PALM2AKAP2: variants seen among roughly 807,000 people sequenced by gnomAD.
PALM2AKAP2 encodes PALM2-AKAP2 fusion protein.
A neutral mutation model predicts 71.5 loss-of-function variants in PALM2AKAP2; 37 were observed. The ratio of observed to expected loss-of-function variants is 0.52; its 90% CI spans 0.40 to 0.68. The LOEUF is 0.68. Among genes scored for constraint, PALM2AKAP2 ranks in the 30% least tolerant of loss-of-function variants. PALM2AKAP2 has a pLI of 0.00. For missense variants in PALM2AKAP2, 1,224 were observed against 1,191.8 expected (o/e 1.03, Z -0.40); for synonymous variants, 468 against 478.8 (o/e 0.98, Z 0.29).
chr9:109,685,673 T>TA lies in PALM2AKAP2; in HGVS notation c.5+44808dup, dbSNP rs567578013. Among the ~76,000 whole-genome samples the TA allele has an allele frequency of 1.2e-3, 179 of 152,256 alleles. 1 individual carries two copies. The highest frequency in any genetic ancestry group is 4.0e-3 in the African/African-American group (168 of 41,556). On this transcript the variant is annotated intron_variant, in intron 1 of 6. Transcript: ENST00000374531. The stretch of plus-strand genomic sequence containing the variant: ...AATTACTTGAACCCTCAGTGAATTA[T>TA]ATTTTTTTTTTGGTGGTAGGGTCTT...
chr9:109,930,473 G>A (rs554442114), intron 5 of PALM2AKAP2, among the ~76,000 whole-genome samples: 138 of 152,168 alleles, frequency 9.1e-4, no homozygotes, highest in African/African-American at 3.1e-3. Flanking sequence ...TGATCCACCC[G>A]CCTTGGTCTC....
intron 1 of PALM2AKAP2, among the ~76,000 whole-genome samples, chr9:110,060,240 G>A (rs1564284378): frequency 2.0e-5 from 3 of 152,010 alleles, no homozygotes; most frequent in South Asian, 2.1e-4. Context: ...GGCCTCCCAA[G>A]TAGCTGAGAC....
At chr9:109,829,652 C>T (rs2131530925) in intron 1 of PALM2AKAP2, among the ~76,000 whole-genome samples, 1 of 151,580 alleles carries the variant, frequency 6.6e-6, no homozygotes, top group South Asian at 2.1e-4. Flanking sequence ...TGTCCTTTCT[C>T]TCTCTTCTTT....
intron 1 of PALM2AKAP2, among the ~76,000 whole-genome samples, chr9:109,804,867 A>G (rs554213655): frequency 6.6e-6 from 1 of 152,338 alleles, no homozygotes; most frequent in South Asian, 2.1e-4. Flanking sequence ...CAGTATGTTA[A>G]CATTTTTAAA....
chr9:109,908,611 G>A (rs190599882), intron 3 of PALM2AKAP2, among the ~76,000 whole-genome samples: 39 of 152,320 alleles, frequency 2.6e-4, no homozygotes, highest in Admixed American at 6.5e-4. Context: ...CTCAGTAAAT[G>A]TGAACTATTT....
intron 1 of PALM2AKAP2, among the ~76,000 whole-genome samples, chr9:109,657,768 CTAGAACCTAA>C (rs1827327721): frequency 6.6e-6 from 1 of 152,056 alleles, no homozygotes; most frequent in African/African-American, 2.4e-5. Flanking sequence ...TAACTGAGTG[CTAGAACCTAA>C]GCTCTCCCTG....
At chr9:110,067,360 A>G (rs547701926) in intron 1 of PALM2AKAP2, among the ~76,000 whole-genome samples, 22 of 152,382 alleles carry the variant, frequency 1.4e-4, no homozygotes, top group African/African-American at 4.8e-4. Context: ...GTATTTTACT[A>G]TTGAAAGGTC....
chr9:109,950,303 A>AT (rs1831607303), intron 6 of PALM2AKAP2, among the ~76,000 whole-genome samples: 1 of 152,030 alleles, frequency 6.6e-6, no homozygotes, highest in Non-Finnish European at 1.5e-5. Context: ...AAAAAAAAAA[A>AT]CAAAAAAACA....
chr9:109,877,363 G>A (rs890227582), intron 2 of PALM2AKAP2, among the ~76,000 whole-genome samples: 2 of 152,138 alleles, frequency 1.3e-5, no homozygotes, highest in Admixed American at 6.5e-5. Context: ...GATGAATTGG[G>A]AAATTCTAGG....
chr9:109,733,953 A>G (rs1195164010), intron 1 of PALM2AKAP2, among the ~76,000 whole-genome samples: 1 of 152,214 alleles, frequency 6.6e-6, no homozygotes, highest in Non-Finnish European at 1.5e-5. Context: ...AGGTAACCCA[A>G]CTATACATTC....
chr9:109,926,733 C>T (rs1261715383), intron 5 of PALM2AKAP2, among the ~76,000 whole-genome samples: 1 of 152,024 alleles, frequency 6.6e-6, no homozygotes, highest in Non-Finnish European at 1.5e-5. Flanking sequence ...TTTCCCTAGA[C>T]ATCTCTCTGA....
At chr9:110,064,070 G>C (rs1834021917) in intron 1 of PALM2AKAP2, among the ~76,000 whole-genome samples, 1 of 152,166 alleles carries the variant, frequency 6.6e-6, no homozygotes, top group African/African-American at 2.4e-5. Flanking sequence ...GAAACACCCA[G>C]GGGTGGAGGG....
At chr9:109,906,554 A>G (rs1188010544) in intron 3 of PALM2AKAP2, among the ~76,000 whole-genome samples, 1 of 152,196 alleles carries the variant, frequency 6.6e-6, no homozygotes, top group Non-Finnish European at 1.5e-5. Context: ...GTGCAGCCAC[A>G]CAAATGCAAA....
chr9:110,154,586 AT>A (rs1836401453), intron 2 of PALM2AKAP2, among the ~76,000 whole-genome samples: 1 of 152,194 alleles, frequency 6.6e-6, no homozygotes. Flanking sequence ...GCATTCCCTA[AT>A]TTCCGTAATA....
intron 1 of PALM2AKAP2, among the ~76,000 whole-genome samples, chr9:109,767,011 G>A (rs755199096): frequency 7.3e-6 from 1 of 137,386 alleles, no homozygotes; most frequent in Non-Finnish European, 1.5e-5. Context: ...CACTGTGCCT[G>A]GGGATTTACA....
intron 1 of PALM2AKAP2, among the ~76,000 whole-genome samples, chr9:109,831,247 T>C (rs1471788783): frequency 2.0e-5 from 3 of 151,924 alleles, no homozygotes; most frequent in Admixed American, 6.6e-5. Context: ...CTCCCACTTA[T>C]AGCGATGTGT....
intron 6 of PALM2AKAP2, among the ~76,000 whole-genome samples, chr9:109,984,520 TA>T (rs55667140): frequency 0.024 from 3,453 of 144,336 alleles, 87 homozygotes; most frequent in East Asian, 0.13. Context: ...ACAAAAGAAT[TA>T]AAAAAAAAAA....
chr9:109,819,660 A>AAC (rs980823204), intron 1 of PALM2AKAP2, among the ~76,000 whole-genome samples: 13 of 151,676 alleles, frequency 8.6e-5, no homozygotes, highest in South Asian at 2.1e-4. Flanking sequence ...CAAGGGTTTG[A>AAC]ACACACACAC....
At chr9:110,113,736 T>C (rs1357580677) in intron 1 of PALM2AKAP2, among the ~76,000 whole-genome samples, 2 of 152,150 alleles carry the variant, frequency 1.3e-5, no homozygotes, top group African/African-American at 4.8e-5. Context: ...TTTCATCATG[T>C]TGGCCAGGCT....
Sources: allele counts gnomAD v4.1 joint callset (sites outside exome capture counted in the v4.1 genomes callset), GRCh38; gene constraint gnomAD v4.1.1; transcripts MANE v1.5; gene names NCBI Gene and HGNC (gene_info 2026-07-23, HGNC 2026-07-21).